Variants in FBXL7 observed in about 807,000 individuals in gnomAD.
FBXL7 encodes the protein F-box and leucine rich repeat protein 7, also known as F-box/LRR-repeat protein 7.
Under a neutral mutation model 38.3 loss-of-function variants are expected in FBXL7, and 12 were observed. The observed-to-expected ratio is 0.31, with a 90% CI of 0.20 to 0.51. FBXL7 has a LOEUF of 0.51. Ranked by LOEUF, FBXL7 falls within the 20% of genes least tolerant of loss-of-function variation. The probability of loss-of-function intolerance (pLI) is 0.98; values close to 1 mark genes in which losing one functional copy is unlikely to be tolerated. For missense variants in FBXL7, 567 were observed against 676.4 expected, an observed-to-expected ratio of 0.84 and a Z score of 1.79; for synonymous variants, 297 against 300.9, an observed-to-expected ratio of 0.99 and a Z score of 0.13.
At chr5:15,654,019 A>G (rs1040392488) in intron 2 of FBXL7, among the ~76,000 whole-genome samples, 3 of 152,246 alleles carry the variant, frequency 2.0e-5, no homozygotes, top group African/African-American at 4.8e-5. Flanking sequence ...TTTAGCAGCA[A>G]TGAACCTGTC....
At chr5:15,794,629 T>G (rs1338923466) in intron 2 of FBXL7, among the ~76,000 whole-genome samples, 1 of 152,234 alleles carries the variant, frequency 6.6e-6, no homozygotes, top group African/African-American at 2.4e-5. Context: ...GAAGGTTTTT[T>G]GCTCACAGAT....
intron 2 of FBXL7, among the ~76,000 whole-genome samples, chr5:15,726,333 G>A (rs563512326): frequency 6.6e-6 from 1 of 152,100 alleles, no homozygotes; most frequent in Non-Finnish European, 1.5e-5. Flanking sequence ...TAGGAGGATT[G>A]CCTGGAGCAA....
intron 1 of FBXL7, among the ~76,000 whole-genome samples, chr5:15,504,356 AG>A: frequency 6.6e-6 from 1 of 152,362 alleles, no homozygotes; most frequent in South Asian, 2.1e-4. Context: ...GTTATTACCA[AG>A]AAATCAGTAA....
chr5:15,716,944 A>G (rs1312945071), intron 2 of FBXL7, among the ~76,000 whole-genome samples: 1 of 152,124 alleles, frequency 6.6e-6, no homozygotes, highest in Non-Finnish European at 1.5e-5. Context: ...CTTATTTCCA[A>G]ATTTGCTTAG....
At position 15,928,614 on chromosome 5, in the gene FBXL7, G is replaced by A. The variant is rs891805353; in HGVS notation, c.739+113G>A. 1 of 1,383,916 alleles carries A rather than the reference G, an allele frequency of 7.2e-7. No individual in the cohort carries two copies. The highest frequency in any genetic ancestry group is 9.7e-7 in the Non-Finnish European group (1 of 1,026,436). 85.7% of individuals were successfully genotyped at this position (1,383,916 alleles called of 1,614,324 possible). On this transcript the variant is annotated intron_variant, in intron 3 of 3. Coordinates refer to ENST00000504595, the MANE Select transcript of FBXL7 (RefSeq NM_012304.5). The surrounding 1 kb of genome is among the most constrained non-coding windows in gnomAD (Gnocchi z 4.0). Reference sequence around the variant, plus strand: ...TTCTTGCAAGCCATCAGAGATGGGGGCGGGTGGTAGGGAGGCTGGCTTTTG... The same window carrying A: ...TTCTTGCAAGCCATCAGAGATGGGGACGGGTGGTAGGGAGGCTGGCTTTTG...
At chr5:15,931,783 C>G (rs931865388) in intron 3 of FBXL7, among the ~76,000 whole-genome samples, 26 of 152,180 alleles carry the variant, frequency 1.7e-4, no homozygotes, top group African/African-American at 6.3e-4. Flanking sequence ...GTGTGCATGC[C>G]TCTCTGGCTT....
chr5:15,536,555 T>C (rs571760252), intron 1 of FBXL7, among the ~76,000 whole-genome samples: 3 of 152,240 alleles, frequency 2.0e-5, no homozygotes, highest in Admixed American at 2.0e-4. Flanking sequence ...CCCTGCTGGG[T>C]TTTGGACTTT....
intron 2 of FBXL7, among the ~76,000 whole-genome samples, chr5:15,662,982 G>A (rs772207654): frequency 8.5e-5 from 13 of 152,112 alleles, no homozygotes; most frequent in African/African-American, 1.2e-4. Context: ...GGCTATTTGG[G>A]CTCTTTTTTT....
Position 15,500,189 on chromosome 5 carries a change from C to G in FBXL7, c.-488C>G, listed in dbSNP as rs1336620313. On this transcript the variant is annotated 5_prime_UTR_variant, in exon 1 of 4. Coordinates refer to ENST00000504595, the MANE Select transcript of FBXL7 (RefSeq NM_012304.5). ...CCCGCGGGCGAGCTGCGCCGGGTCG[C>G]TAGTCTTCACTCGCTCCGGGGACCC... 1.3e-5 allele frequency: 2 copies of G among 152,174 alleles called. No individual in the cohort carries two copies. Among genetic ancestry groups the G allele is most frequent in the African/African-American group, 4.8e-5 (2 of 41,554 alleles). 9.4% of individuals were successfully genotyped at this position (152,174 alleles called of 1,614,324 possible).
chr5:15,838,494 A>G (rs752769982), intron 2 of FBXL7, among the ~76,000 whole-genome samples: 7 of 152,204 alleles, frequency 4.6e-5, no homozygotes, highest in Non-Finnish European at 1.0e-4. Context: ...GGATTTCAAC[A>G]TAAGAATTTT....
chr5:15,639,979 A>C (rs954757506), intron 2 of FBXL7, among the ~76,000 whole-genome samples: 9 of 152,128 alleles, frequency 5.9e-5, no homozygotes, highest in African/African-American at 2.2e-4. Context: ...AGGCAGGGGC[A>C]GTTATCCTAG....
At chr5:15,633,575 C>T (rs72745670) in intron 2 of FBXL7, among the ~76,000 whole-genome samples, 3,232 of 151,696 alleles carry the variant, frequency 0.021, 50 homozygotes, top group Non-Finnish European at 0.035. Flanking sequence ...AGTTCCAACA[C>T]AAGGTTTATA....
chr5:15,786,372 G>A (rs1346366235), intron 2 of FBXL7, among the ~76,000 whole-genome samples: 1 of 152,098 alleles, frequency 6.6e-6, no homozygotes, highest in East Asian at 1.9e-4. Context: ...TTCAACCTAG[G>A]TCTACCACTG....
chr5:15,886,088 A>G (rs923931105), intron 2 of FBXL7, among the ~76,000 whole-genome samples: 1 of 152,164 alleles, frequency 6.6e-6, no homozygotes, highest in Non-Finnish European at 1.5e-5. Flanking sequence ...AAAAGAGAGC[A>G]AGAGGAAGAG....
intron 2 of FBXL7, among the ~76,000 whole-genome samples, chr5:15,921,632 A>T (rs1246837543): frequency 6.6e-6 from 1 of 152,208 alleles, no homozygotes; most frequent in African/African-American, 2.4e-5. Flanking sequence ...TAAATAACTC[A>T]TGCAACTCAA....
intron 2 of FBXL7, among the ~76,000 whole-genome samples, chr5:15,733,154 C>T (rs1050517078): frequency 3.9e-5 from 6 of 151,956 alleles, no homozygotes; most frequent in Non-Finnish European, 7.4e-5. Context: ...AGTGCAGTGG[C>T]GCTATCTCGG....
intron 2 of FBXL7, among the ~76,000 whole-genome samples, chr5:15,757,230 G>A (rs1233405902): frequency 1.3e-5 from 2 of 152,080 alleles, no homozygotes; most frequent in Non-Finnish European, 2.9e-5. Context: ...TAAAGGCAAG[G>A]TTTGTGGGTA....
At chr5:15,644,304 CA>C (rs369213583) in intron 2 of FBXL7, among the ~76,000 whole-genome samples, 11,783 of 93,780 alleles carry the variant, frequency 0.13, 501 homozygotes, top group East Asian at 0.38. Context: ...ACTAAAAATC[CA>C]AAAAAAAAAA....
chr5:15,620,146 G>A (rs1355718787), intron 2 of FBXL7, among the ~76,000 whole-genome samples: 2 of 151,944 alleles, frequency 1.3e-5, no homozygotes, highest in African/African-American at 2.4e-5. Context: ...TGAATTGTAT[G>A]CTTAAAAAAG....
Sources: allele counts gnomAD v4.1 joint callset (sites outside exome capture counted in the v4.1 genomes callset), GRCh38; gene constraint gnomAD v4.1.1; non-coding constraint Gnocchi (gnomAD v3.1); transcripts MANE v1.5; gene names NCBI Gene and HGNC (gene_info 2026-07-23, HGNC 2026-07-21).